The following KCNIP4 variants were observed in gnomAD, a reference collection of about 807,000 sequenced individuals.
The protein encoded by KCNIP4 is potassium voltage-gated channel interacting protein 4.
Under a neutral mutation model 34.0 loss-of-function variants are expected in KCNIP4, and 12 were observed. That is an observed-to-expected ratio of 0.35 (90% confidence interval 0.23 to 0.57). KCNIP4 has a LOEUF of 0.57. Among genes scored for constraint, KCNIP4 ranks in the 20% least tolerant of loss-of-function variants. KCNIP4 has a pLI of 0.83. For synonymous variants in KCNIP4, 124 were observed against 102.2 expected (o/e 1.21, Z -1.29); for missense variants, 238 against 311.7 (o/e 0.76, Z 1.78).
At chr4:21,519,425 C>CATGTGTGTGTATATGTATGTGTATATAT (rs1560479390) in intron 1 of KCNIP4, among the ~76,000 whole-genome samples, 4 of 87,606 alleles carry the variant, frequency 4.6e-5, no homozygotes, top group Non-Finnish European at 5.3e-5. Flanking sequence ...TGTATATATA[C>CATGTGTGTGTATATGTATGTGTATATAT]ACATATGTGT....
intron 4 of KCNIP4, among the ~76,000 whole-genome samples, chr4:20,755,494 T>G (rs897677323): frequency 1.3e-5 from 2 of 152,196 alleles, no homozygotes; most frequent in African/African-American, 4.8e-5. Flanking sequence ...GTGCTATTAC[T>G]TGTCAGCCAC....
chr4:21,431,481 G>A (rs1161036804), intron 1 of KCNIP4, among the ~76,000 whole-genome samples: 1 of 152,020 alleles, frequency 6.6e-6, no homozygotes, highest in African/African-American at 2.4e-5. Flanking sequence ...TTTATATACT[G>A]CATAATGATA....
chr4:21,155,771 G>A (rs924486225), intron 1 of KCNIP4, among the ~76,000 whole-genome samples: 2 of 152,126 alleles, frequency 1.3e-5, no homozygotes, highest in African/African-American at 4.8e-5. Context: ...CAGAATGAGT[G>A]GACTAGCATT....
chr4:21,352,026 T>A (rs753017684), intron 1 of KCNIP4, among the ~76,000 whole-genome samples: 3 of 152,136 alleles, frequency 2.0e-5, no homozygotes, highest in Non-Finnish European at 4.4e-5. Flanking sequence ...TGAGGCCATT[T>A]GGTTGAATAA....
intron 1 of KCNIP4, among the ~76,000 whole-genome samples, chr4:21,516,583 T>C (rs1734783952): frequency 6.6e-6 from 1 of 152,210 alleles, no homozygotes. Flanking sequence ...CTTGCATCAG[T>C]TTCTTCTCCT....
At chr4:21,318,421 C>G (rs1255045749) in intron 1 of KCNIP4, among the ~76,000 whole-genome samples, 6 of 152,162 alleles carry the variant, frequency 3.9e-5, no homozygotes. Flanking sequence ...GAAAGAGCCT[C>G]TATAATTCTA....
At chr4:21,689,537 G>T (rs888674517) in intron 1 of KCNIP4, among the ~76,000 whole-genome samples, 6 of 152,086 alleles carry the variant, frequency 3.9e-5, no homozygotes, top group African/African-American at 1.4e-4. Context: ...AGATGGCTGG[G>T]GGTTGAGCAG....
intron 1 of KCNIP4, among the ~76,000 whole-genome samples, chr4:21,349,182 G>A (rs1056247524): frequency 4.6e-5 from 7 of 152,224 alleles, no homozygotes; most frequent in African/African-American, 9.6e-5. Flanking sequence ...TAGTACTAGT[G>A]CTTGATTCAT....
At chr4:21,432,404 G>A (rs1223811851) in intron 1 of KCNIP4, among the ~76,000 whole-genome samples, 1 of 151,692 alleles carries the variant, frequency 6.6e-6, no homozygotes, top group Non-Finnish European at 1.5e-5. Context: ...TTCCCACAAA[G>A]TACTTAAGGA....
chr4:21,413,993 A>G (rs1724732199), intron 1 of KCNIP4, among the ~76,000 whole-genome samples: 1 of 152,224 alleles, frequency 6.6e-6, no homozygotes, highest in Non-Finnish European at 1.5e-5. Context: ...TACTCAGCAA[A>G]TATTTATCCT....
chr4:21,687,983 T>G (rs1049002559), intron 1 of KCNIP4, among the ~76,000 whole-genome samples: 3 of 152,184 alleles, frequency 2.0e-5, no homozygotes, highest in Non-Finnish European at 2.9e-5. Context: ...TTTGGTACTT[T>G]GGGCTTGGCT....
At position 21,108,246 on chromosome 4, in the gene KCNIP4, C is replaced by G. The variant is rs565408823; in HGVS notation, c.62-225537G>C. Among the ~76,000 whole-genome samples the G allele has an allele frequency of 2.3e-3, 340 of 147,196 alleles. 2 individuals are homozygous for G. Among genetic ancestry groups the G allele is most frequent in the African/African-American group, 8.0e-3 (303 of 38,112 alleles). On this transcript the variant is annotated intron_variant, in intron 1 of 8. Coordinates refer to ENST00000382152, the MANE Select transcript of KCNIP4 (RefSeq NM_025221.6). ...GTCACTTTCAGGTACACCAATCAGA[C>G]GTAGATTTGGTCTTTTCACGTAGTC... is the stretch of plus-strand genomic sequence containing the variant.
At chr4:21,326,593 C>T (rs957935295) in intron 1 of KCNIP4, among the ~76,000 whole-genome samples, 1 of 150,074 alleles carries the variant, frequency 6.7e-6, no homozygotes, top group African/African-American at 2.4e-5. Context: ...TTAATTCAGT[C>T]GTCTACTCTG....
intron 1 of KCNIP4, among the ~76,000 whole-genome samples, chr4:21,826,888 A>C (rs1392040803): frequency 3.3e-5 from 5 of 152,060 alleles, no homozygotes; most frequent in African/African-American, 1.2e-4. Flanking sequence ...AATACTGAAA[A>C]CCTAAAAAGA....
chr4:21,242,941 C>A (rs1333987814), intron 1 of KCNIP4, among the ~76,000 whole-genome samples: 3 of 150,216 alleles, frequency 2.0e-5, no homozygotes, highest in Admixed American at 1.3e-4. Flanking sequence ...TCTGGAGAAC[C>A]CTAACTAGTA....
rs1165256295 is a variant in KCNIP4, at chr4:21,756,326, C to T, written c.61+192245G>A. Among the ~76,000 whole-genome samples the T allele has an allele frequency of 3.3e-5, 5 of 151,682 alleles. No homozygotes were observed. In the East Asian group the frequency reaches 5.9e-4, roughly 18 times the overall value. ...ATCCCACCACTTTGGGAGGCTGAGGCGGGCAGGTCACGAGGTCATGAGACA... is the reference window on the plus strand; with the variant it reads ...ATCCCACCACTTTGGGAGGCTGAGGTGGGCAGGTCACGAGGTCATGAGACA... On this transcript the variant is annotated intron_variant, in intron 1 of 8. Transcript: ENST00000382152.
At chr4:21,490,168 T>C (rs1277174956) in intron 1 of KCNIP4, among the ~76,000 whole-genome samples, 2 of 152,190 alleles carry the variant, frequency 1.3e-5, no homozygotes, top group Non-Finnish European at 2.9e-5. Flanking sequence ...TTGAAGTCTA[T>C]TCATTTTCAT....
At chr4:20,894,630 C>T (rs372723127) in intron 1 of KCNIP4, among the ~76,000 whole-genome samples, 76 of 152,180 alleles carry the variant, frequency 5.0e-4, no homozygotes, top group South Asian at 4.2e-3. Flanking sequence ...AAGGAGAAAA[C>T]GGAGGAGGAT....
intron 1 of KCNIP4, among the ~76,000 whole-genome samples, chr4:21,274,772 C>T (rs1381083568): frequency 6.6e-6 from 1 of 152,058 alleles, no homozygotes; most frequent in Non-Finnish European, 1.5e-5. Flanking sequence ...TTTATTAATA[C>T]CACCAAGTTT....
Sources: gnomAD v4.1 joint callset for allele counts (sites outside exome capture counted in the v4.1 genomes callset) on GRCh38, gnomAD v4.1.1 for gene constraint, MANE v1.5 for transcripts, NCBI Gene and HGNC (gene_info 2026-07-23, HGNC 2026-07-21) for gene names.